Variants in CRACR2A observed in about 807,000 individuals in gnomAD.
CRACR2A encodes calcium release activated channel regulator 2A, also known as EF-hand calcium-binding domain-containing protein 4B.
In CRACR2A, 79 loss-of-function variants were observed where a neutral mutation model predicts 90.5. The observed-to-expected ratio is 0.87, with a 90% CI of 0.73 to 1.05. CRACR2A has a LOEUF of 1.05. Ranked by LOEUF, CRACR2A falls within the 50% of genes least tolerant of loss-of-function variation. The pLI, the probability that CRACR2A is intolerant of heterozygous loss-of-function variation, is 0.00. For synonymous variants in CRACR2A, 338 were observed against 356.7 expected (o/e 0.95, Z 0.59); for missense variants, 823 against 897.2 (o/e 0.92, Z 1.06).
intron 1 of CRACR2A, among the ~76,000 whole-genome samples, chr12:3,734,354 C>G (rs537775312): frequency 5.9e-5 from 9 of 152,186 alleles, no homozygotes; most frequent in African/African-American, 1.9e-4. Context: ...CACTGATGTA[C>G]CAGACACTTT....
chr12:3,689,597 T>C (rs1324193296), intron 4 of CRACR2A, among the ~76,000 whole-genome samples: 8 of 152,182 alleles, frequency 5.3e-5, no homozygotes, highest in Non-Finnish European at 8.8e-5. Context: ...GGTTTGCCAG[T>C]ATTTTGTTGA....
chr12:3,684,698 A>G (rs1591685559), intron 4 of CRACR2A, among the ~76,000 whole-genome samples: 1 of 152,248 alleles, frequency 6.6e-6, no homozygotes, highest in East Asian at 1.9e-4. Context: ...CCATGTAGCC[A>G]TAACATGAGA....
intron 17 of CRACR2A, among the ~76,000 whole-genome samples, chr12:3,620,560 T>G (rs2137275898): frequency 6.6e-6 from 1 of 152,346 alleles, no homozygotes; most frequent in Middle Eastern, 3.4e-3. Context: ...GGAAAAAAAT[T>G]CTTATTTAAC....
At chr12:3,740,137 G>A (rs1024798299) in intron 1 of CRACR2A, among the ~76,000 whole-genome samples, 1 of 152,048 alleles carries the variant, frequency 6.6e-6, no homozygotes, top group Middle Eastern at 3.2e-3. Flanking sequence ...TCAACTAGGA[G>A]ATCCCTGGAG....
At chr12:3,715,482 C>A (rs960623660) in intron 2 of CRACR2A, among the ~76,000 whole-genome samples, 1 of 152,178 alleles carries the variant, frequency 6.6e-6, no homozygotes, top group Non-Finnish European at 1.5e-5. Context: ...TAGTTAAGAA[C>A]ATCACACGTA....
chr12:3,642,106 G>A lies in CRACR2A; in HGVS notation c.1165-268C>T, dbSNP rs571238786. Among the ~76,000 whole-genome samples the A allele has an allele frequency of 5.3e-5, 8 of 152,222 alleles. No individual in the cohort carries two copies. In the South Asian group the frequency reaches 1.7e-3, roughly 32 times the overall value. On this transcript the variant is annotated intron_variant, in intron 12 of 19. Coordinates refer to ENST00000440314, the MANE Select transcript of CRACR2A (RefSeq NM_001144958.2). ...GGGGCCCATCATGCTATTCACAGGA[G>A]CACTGATGATTTGTAAAAGGAAAAG... is the stretch of plus-strand genomic sequence containing the variant.
intron 17 of CRACR2A, among the ~76,000 whole-genome samples, chr12:3,622,303 C>T (rs1418361880): frequency 1.3e-5 from 2 of 152,212 alleles, no homozygotes; most frequent in East Asian, 1.9e-4. Context: ...ATCAGGCACA[C>T]AATCTCTCTT....
rs1403541436 is a variant in CRACR2A, at chr12:3,659,778, G to A, written c.672-124C>T. The A allele has an allele frequency of 1.2e-5, 9 of 728,892 alleles. No individual in the cohort carries two copies. The Admixed American group carries it at 2.0e-4, about 16-fold the overall frequency. 45.2% of individuals were successfully genotyped at this position (728,892 alleles called of 1,614,324 possible). On this transcript the variant is annotated intron_variant, in intron 7 of 19. Transcript: ENST00000440314. The stretch of plus-strand genomic sequence containing the variant: ...GGTGTGGGGGTGACAGCATAGGTCA[G>A]GTCAGCCAACGCTATAAGATCAGTC...
chr12:3,720,460 A>AAGCAAGCAAGCAAGCAAGC (rs1565501233), intron 2 of CRACR2A, among the ~76,000 whole-genome samples: 2 of 147,638 alleles, frequency 1.4e-5, no homozygotes, highest in African/African-American at 2.7e-5. Flanking sequence ...AGAAAGAAAG[A>AAGCAAGCAAGCAAGCAAGC]AAGAAAGCAA....
At chr12:3,720,326 AG>A (rs1482692198) in intron 2 of CRACR2A, among the ~76,000 whole-genome samples, 1 of 146,642 alleles carries the variant, frequency 6.8e-6, no homozygotes, top group African/African-American at 2.5e-5. Flanking sequence ...AAAGAGAGAC[AG>A]AAAGAAAAGA....
intron 9 of CRACR2A, 86 bp from the exon 10 acceptor site, chr12:3,654,485 C>T (rs954616623): frequency 7.2e-7 from 1 of 1,385,822 alleles, no homozygotes. Flanking sequence ...GTTTTCTCTG[C>T]TTGGCAGGCA....
intron 7 of CRACR2A, among the ~76,000 whole-genome samples, chr12:3,671,884 A>G (rs905826937): frequency 1.3e-5 from 2 of 152,254 alleles, no homozygotes; most frequent in African/African-American, 4.8e-5. Context: ...CCTATCTTAC[A>G]GATAAGGAAG....
chr12:3,615,939 C>G (rs926637182), intron 19 of CRACR2A, among the ~76,000 whole-genome samples: 1 of 152,258 alleles, frequency 6.6e-6, no homozygotes, highest in Admixed American at 6.5e-5. Context: ...GTGGCCACAG[C>G]TCCAGATTAA....
intron 8 of CRACR2A, among the ~76,000 whole-genome samples, chr12:3,658,992 G>A (rs1027277390): frequency 1.8e-4 from 27 of 152,164 alleles, no homozygotes; most frequent in Non-Finnish European, 4.4e-5. Context: ...TTCCTCCGTG[G>A]TATCTGTGGA....
chr12:3,745,787 A>AAAT (rs1565511322), intron 1 of CRACR2A, among the ~76,000 whole-genome samples: 2 of 6,980 alleles, frequency 2.9e-4, no homozygotes, highest in South Asian at 8.1e-3. Flanking sequence ...TCAAAAAATA[A>AAAT]AATAAAATAA....
intron 14 of CRACR2A, among the ~76,000 whole-genome samples, chr12:3,635,222 T>C (rs944543196): frequency 2.0e-5 from 3 of 152,140 alleles, no homozygotes; most frequent in Admixed American, 6.5e-5. Flanking sequence ...CTCTCAGGTA[T>C]GTTCATGCAC....
chr12:3,624,545 A>T (rs920658449), intron 17 of CRACR2A, among the ~76,000 whole-genome samples: 1 of 152,194 alleles, frequency 6.6e-6, no homozygotes, highest in African/African-American at 2.4e-5. Context: ...ACACTCTGCC[A>T]TTTGACACAG....
intron 1 of CRACR2A, among the ~76,000 whole-genome samples, chr12:3,738,481 AT>A (rs1946479855): frequency 6.6e-6 from 1 of 152,226 alleles, no homozygotes; most frequent in African/African-American, 2.4e-5. Flanking sequence ...AAATAAAAAA[AT>A]AAATAATTGA....
chr12:3,747,229 T>C (rs1946639628), intron 1 of CRACR2A, among the ~76,000 whole-genome samples: 1 of 152,176 alleles, frequency 6.6e-6, no homozygotes, highest in Admixed American at 6.5e-5. Context: ...TTGAAACAGA[T>C]GAGGAAGATG....
Sources: allele counts gnomAD v4.1 joint callset (sites outside exome capture counted in the v4.1 genomes callset), GRCh38; gene constraint gnomAD v4.1.1; transcripts MANE v1.5; gene names NCBI Gene and HGNC (gene_info 2026-07-23, HGNC 2026-07-21).